MCUB: variants seen among roughly 807,000 people sequenced by gnomAD.
MCUB encodes the protein calcium uniporter regulatory subunit MCUb, mitochondrial.
Under a neutral mutation model 41.4 loss-of-function variants are expected in MCUB, and 46 were observed. The observed-to-expected ratio is 1.11, with a 90% confidence interval of 0.88 to 1.42. The LOEUF (loss-of-function observed/expected upper bound fraction) is 1.42. MCUB is among the 40% of genes most tolerant of loss of function. The probability of loss-of-function intolerance (pLI) is 0.00; values close to 1 mark genes in which losing one functional copy is unlikely to be tolerated. For synonymous variants in MCUB, 148 were observed against 148.2 expected (o/e 1.00, Z 0.01); for missense variants, 403 against 404.9 (o/e 1.00, Z 0.04).
intron 1 of MCUB, among the ~76,000 whole-genome samples, chr4:109,643,791 A>G (rs967408190): frequency 1.3e-5 from 2 of 152,244 alleles, no homozygotes; most frequent in African/African-American, 4.8e-5. Context: ...GGCATGAGCC[A>G]CTGCACCTGA....
At chr4:109,569,234 G>C (rs1284564971) in intron 1 of MCUB, among the ~76,000 whole-genome samples, 1 of 151,642 alleles carries the variant, frequency 6.6e-6, no homozygotes. Context: ...TTTTAGTAGA[G>C]ACGGGGTTTC....
intron 1 of MCUB, among the ~76,000 whole-genome samples, chr4:109,654,142 C>G (rs1187248829): frequency 6.6e-6 from 1 of 151,654 alleles, no homozygotes; most frequent in African/African-American, 2.4e-5. Context: ...GCATTTAATT[C>G]CTCATGTATT....
intron 1 of MCUB, among the ~76,000 whole-genome samples, chr4:109,578,922 CA>C (rs1279776371): frequency 6.6e-6 from 1 of 152,176 alleles, no homozygotes; most frequent in Non-Finnish European, 1.5e-5. Flanking sequence ...CAAGAAAAAT[CA>C]GCTTGCTCTT....
intron 1 of MCUB, among the ~76,000 whole-genome samples, chr4:109,581,257 A>C (rs1174494443): frequency 6.6e-6 from 1 of 152,206 alleles, no homozygotes. Context: ...TCTTTGACAA[A>C]CCTGACAAAA....
At chr4:109,652,522 A>G (rs1363130600) in intron 1 of MCUB, among the ~76,000 whole-genome samples, 1 of 152,204 alleles carries the variant, frequency 6.6e-6, no homozygotes, top group African/African-American at 2.4e-5. Flanking sequence ...CAAGATTGAG[A>G]GGTCGCATCT....
rs79385468 is a variant in MCUB, at chr4:109,629,966, C to T, written c.100-29045C>T. Among the ~76,000 whole-genome samples the T allele has an allele frequency of 6.0e-4, 91 of 152,288 alleles. 2 individuals carry two copies. In the East Asian group the frequency reaches 0.016, roughly 27 times the overall value. On this transcript the variant is annotated intron_variant, in intron 1 of 7. Transcript: ENST00000394650. ...CCCAACCCTCTAATCCTGCCTTGGT[C>T]CTTCTAGTGAGTAGCTCCCGTCCTG...
Position 109,669,511 on chromosome 4 carries a change from T to C in MCUB, c.451+5117T>C, listed in dbSNP as rs961483820. On this transcript the variant is annotated intron_variant, in intron 4 of 7. Transcript: ENST00000394650. Reference sequence around the variant, plus strand: ...CGTATGTGTAGTTTTCTCTTGGCATTTGTTCTGCTTGTGTTCTCTGAGCTT... The same window carrying C: ...CGTATGTGTAGTTTTCTCTTGGCATCTGTTCTGCTTGTGTTCTCTGAGCTT... Among the ~76,000 whole-genome samples the C allele has an allele frequency of 2.6e-5, 4 of 152,138 alleles. 1 individual carries two copies. The highest frequency in any genetic ancestry group is 9.7e-5 in the African/African-American group (4 of 41,442).
At chr4:109,601,594 G>T (rs1283841471) in intron 1 of MCUB, among the ~76,000 whole-genome samples, 1 of 152,038 alleles carries the variant, frequency 6.6e-6, no homozygotes, top group Non-Finnish European at 1.5e-5. Flanking sequence ...TGGCTGAATA[G>T]TGTTCTGCTG....
In MCUB at chr4:109,678,200, C is replaced by A. The variant is rs1176082655; in HGVS notation, c.452-4382C>A. Among the ~76,000 whole-genome samples the A allele has an allele frequency of 3.9e-5, 6 of 152,050 alleles. No individual in the cohort carries two copies. The East Asian group carries it at 1.2e-3, about 29-fold the overall frequency. On this transcript the variant is annotated intron_variant, in intron 4 of 7. Coordinates refer to ENST00000394650, the MANE Select transcript of MCUB (RefSeq NM_017918.5). Reference sequence around the variant, plus strand: ...TTCTTAGTACAGAACAAAATGGAGTCTCCTATGTCTACTTCTTTCTGCACA... The same window carrying A: ...TTCTTAGTACAGAACAAAATGGAGTATCCTATGTCTACTTCTTTCTGCACA...
At position 109,684,504 on chromosome 4, in the gene MCUB, T is replaced by C; in HGVS notation, c.674T>C (p.Leu225Ser). The C allele has an allele frequency of 6.2e-7, 1 of 1,614,092 alleles. No homozygotes were observed. Among genetic ancestry groups the C allele is most frequent in the Non-Finnish European group, 8.5e-7 (1 of 1,179,980 alleles). The change falls in exon 6 of 8, where the codon TTG becomes TCG. Residue 225 changes from leucine (L) to serine (S), a missense_variant. Coordinates refer to ENST00000394650, the MANE Select transcript of MCUB (RefSeq NM_017918.5). ...AKTSGLLWAG[L>S]ALLSIQGGAL... ...ACCAGTGGACTCCTGTGGGCTGGAT[T>C]GGCACTGCTGTCCATTCAGGGTGGG...
chr4:109,675,873 G>A (rs534386697), intron 4 of MCUB, among the ~76,000 whole-genome samples: 2 of 152,298 alleles, frequency 1.3e-5, no homozygotes, highest in African/African-American at 4.8e-5. Context: ...GCAGCAAGAA[G>A]GGTCTCACCA....
rs575797384 is a variant in MCUB at position 109,573,259 on chromosome 4, T to C, written c.99+12823T>C. On this transcript the variant is annotated intron_variant, in intron 1 of 7. Coordinates refer to ENST00000394650, the MANE Select transcript of MCUB (RefSeq NM_017918.5). ...TGTGGTCAGGAGATAGGGACCATCC[T>C]GGCTAACACTGTGAAACCCCATCTC... is the stretch of plus-strand genomic sequence containing the variant. Among the ~76,000 whole-genome samples, 7 of 152,250 alleles carry C rather than the reference T, an allele frequency of 4.6e-5. No individual in the cohort carries two copies. In the South Asian group the frequency reaches 1.5e-3, roughly 32 times the overall value.
At chr4:109,584,954 G>T (rs187265564) in intron 1 of MCUB, among the ~76,000 whole-genome samples, 131 of 152,204 alleles carry the variant, frequency 8.6e-4, no homozygotes, top group African/African-American at 2.9e-3. Flanking sequence ...AGTTCTGTAG[G>T]TGTCTATTAG....
At chr4:109,572,028 G>T (rs1171648663) in intron 1 of MCUB, among the ~76,000 whole-genome samples, 5 of 152,174 alleles carry the variant, frequency 3.3e-5, no homozygotes, top group African/African-American at 1.2e-4. Context: ...TTTGTTTTGG[G>T]GGTCACTGAA....
At chr4:109,593,792 C>T (rs1328384769) in intron 1 of MCUB, among the ~76,000 whole-genome samples, 1 of 152,116 alleles carries the variant, frequency 6.6e-6, no homozygotes, top group Admixed American at 6.5e-5. Context: ...TTGATTTTTA[C>T]TTTATTTCAT....
intron 1 of MCUB, among the ~76,000 whole-genome samples, chr4:109,617,103 A>G (rs1728142526): frequency 1.3e-5 from 2 of 152,150 alleles, no homozygotes; most frequent in South Asian, 2.1e-4. Context: ...ATTTTGATTT[A>G]CCTATCTTCA....
At chr4:109,607,539 A>G (rs1054348582) in intron 1 of MCUB, among the ~76,000 whole-genome samples, 2 of 152,170 alleles carry the variant, frequency 1.3e-5, no homozygotes, top group South Asian at 4.1e-4. Context: ...CAAATTTAAG[A>G]ACTCTCTTTA....
At chr4:109,595,533 C>T (rs1265036156) in intron 1 of MCUB, among the ~76,000 whole-genome samples, 1 of 152,186 alleles carries the variant, frequency 6.6e-6, no homozygotes, top group Non-Finnish European at 1.5e-5. Flanking sequence ...AGGTCTAGAG[C>T]ATCATTGTCC....
chr4:109,671,414 T>C (rs567655696), intron 4 of MCUB, among the ~76,000 whole-genome samples: 1 of 152,314 alleles, frequency 6.6e-6, no homozygotes, highest in Admixed American at 6.5e-5. Context: ...AGGTTTTTTT[T>C]CCATTCTTTT....
Sources: gnomAD v4.1 joint callset for allele counts (sites outside exome capture counted in the v4.1 genomes callset) on GRCh38, gnomAD v4.1.1 for gene constraint, MANE v1.5 for transcripts, NCBI Gene and HGNC (gene_info 2026-07-23, HGNC 2026-07-21) for gene names.